Variants in MCTP2 observed in about 807,000 individuals in gnomAD.
The protein encoded by MCTP2 is multiple C2 and transmembrane domain-containing protein 2.
In MCTP2, 132 loss-of-function variants were observed where a neutral mutation model predicts 111.6. The ratio of observed to expected loss-of-function variants is 1.18; its 90% confidence interval spans 1.03 to 1.37. The LOEUF is 1.37. Among genes scored for constraint, MCTP2 ranks in the 40% most tolerant of loss-of-function variants. The probability of loss-of-function intolerance (pLI) is 0.00; values close to 1 mark genes in which losing one functional copy is unlikely to be tolerated. For missense variants in MCTP2, 1,183 were observed against 1,067.9 expected (o/e 1.11, Z -1.50); for synonymous variants, 395 against 387.7 (o/e 1.02, Z -0.22).
Position 94,340,245 on chromosome 15 carries a change from T to C in MCTP2, c.827T>C (p.Phe276Ser), listed in dbSNP as rs940696789. The change falls in exon 6 of 23, where the codon TTT (phenylalanine) becomes TCT (serine). Residue 276 changes from phenylalanine to serine, a missense_variant. By Grantham distance (155) the Phe-to-Ser change is radical (BLOSUM62 -2). Transcript: ENST00000357742. The part of the protein sequence containing the change: ...LTTSDFMGSA[F>S]VILSDLELNR... ...ACATCTGATTTCATGGGTTCTGCAT[T>C]TGTCATTCTCAGTGATCTTGAGCTT... The C allele has an allele frequency of 1.9e-6, 3 of 1,613,230 alleles. No individual in the cohort carries two copies. Among genetic ancestry groups the C allele is most frequent in the Non-Finnish European group, 1.7e-6 (2 of 1,179,452 alleles).
chr15:94,263,580 C>G (rs2073328277), intron 1 of MCTP2, among the ~76,000 whole-genome samples: 1 of 152,182 alleles, frequency 6.6e-6, no homozygotes, highest in African/African-American at 2.4e-5. Context: ...AGCCTTCTGT[C>G]CTTAGGAACA....
At chr15:94,318,770 C>T (rs915543696) in intron 4 of MCTP2, among the ~76,000 whole-genome samples, 7 of 152,114 alleles carry the variant, frequency 4.6e-5, no homozygotes, top group African/African-American at 1.7e-4. Context: ...ATGATGAAGC[C>T]GTTGCACACA....
chr15:94,412,861 C>T (rs1158165492), intron 17 of MCTP2, among the ~76,000 whole-genome samples: 1 of 151,828 alleles, frequency 6.6e-6, no homozygotes, highest in Non-Finnish European at 1.5e-5. Context: ...CCCCCATCCC[C>T]AAATTCTACT....
At chr15:94,357,938 C>G (rs1470962628) in intron 9 of MCTP2, among the ~76,000 whole-genome samples, 1 of 152,168 alleles carries the variant, frequency 6.6e-6, no homozygotes, top group Non-Finnish European at 1.5e-5. Context: ...AGTGGAATTT[C>G]CTAGTCTTTC....
chr15:94,274,352 A>G (rs1174028502), intron 1 of MCTP2, among the ~76,000 whole-genome samples: 9 of 152,196 alleles, frequency 5.9e-5, no homozygotes, highest in Non-Finnish European at 1.0e-4. Flanking sequence ...TTCAATGTCA[A>G]TAGTTTAGAA....
rs773001255 is a variant in MCTP2, at chr15:94,475,123, GCCAAAAAGCCCATGCTA to G, written c.2471-1571_2471-1555del. On this transcript the variant is annotated intron_variant, in intron 21 of 22. Coordinates refer to ENST00000357742, the MANE Select transcript of MCTP2 (RefSeq NM_001385001.1). ...CATTTTGCCTTGTCTGTTTTCTTTTGCCAAAAAGCCCATGCTACAATTAAATGTCTTTAGAATAACAC... is the reference window on the plus strand; with the variant it reads ...CATTTTGCCTTGTCTGTTTTCTTTTGCAATTAAATGTCTTTAGAATAACAC... Among the ~76,000 whole-genome samples, 66 of 152,070 alleles carry G rather than the reference GCCAAAAAGCCCATGCTA, an allele frequency of 4.3e-4. 1 individual carries two copies. Among genetic ancestry groups the G allele is most frequent in the Non-Finnish European group, 5.7e-4 (39 of 68,002 alleles).
At chr15:94,410,714 C>T (rs2082115385) in intron 17 of MCTP2, among the ~76,000 whole-genome samples, 1 of 152,192 alleles carries the variant, frequency 6.6e-6, no homozygotes. Context: ...TGTGCATATC[C>T]TTACTGCTTA....
chr15:94,325,486 C>T (rs908354889), intron 4 of MCTP2, among the ~76,000 whole-genome samples: 4 of 152,008 alleles, frequency 2.6e-5, no homozygotes, highest in African/African-American at 9.7e-5. Flanking sequence ...AATTTTTGTA[C>T]TTTTTGTGTA....
chr15:94,453,434 C>T (rs1482884092), intron 19 of MCTP2, among the ~76,000 whole-genome samples: 6 of 152,300 alleles, frequency 3.9e-5, no homozygotes, highest in Admixed American at 6.5e-5. Flanking sequence ...TGATGTCTAC[C>T]GGCCCATTAA....
intron 20 of MCTP2, 96 bp from the exon 21 acceptor site, chr15:94,470,237 T>A (rs2152539951): frequency 1.0e-6 from 1 of 970,346 alleles, no homozygotes. Flanking sequence ...GTAAAAAAAA[T>A]TTCTATAATT....
At chr15:94,438,481 T>C (rs2083598686) in intron 17 of MCTP2, among the ~76,000 whole-genome samples, 1 of 152,080 alleles carries the variant, frequency 6.6e-6, no homozygotes, top group South Asian at 2.1e-4. Context: ...AATACAGCAA[T>C]ACGGGTTCAC....
At position 94,373,514 on chromosome 15, in the gene MCTP2, A is replaced by G. The variant is rs191961164; in HGVS notation, c.1582+3334A>G. On this transcript the variant is annotated intron_variant, in intron 12 of 22. Coordinates refer to ENST00000357742, the MANE Select transcript of MCTP2 (RefSeq NM_001385001.1). The stretch of plus-strand genomic sequence containing the variant: ...AAGGTATATTTACTGTTTTTAAATT[A>G]TGCCTTTTTTAATAAATATGCTATT... Among the ~76,000 whole-genome samples, 475 of 152,300 alleles carry G rather than the reference A, an allele frequency of 3.1e-3. 2 individuals are homozygous for G. The highest frequency in any genetic ancestry group is 4.5e-3 in the Non-Finnish European group (308 of 68,016).
rs141936237 is a variant in MCTP2 at position 94,475,700 on chromosome 15, C to T, written c.2471-996C>T. 4.1e-3 allele frequency among the ~76,000 whole-genome samples: 623 copies of T among 152,250 alleles called. 18 individuals are homozygous for T. The highest frequency in any genetic ancestry group is 0.033 in the Admixed American group (503 of 15,294). On this transcript the variant is annotated intron_variant, in intron 21 of 22. Transcript: ENST00000357742. ...TGCTTCTAAAACTCAACATGAAAAA[C>T]GGGTTGACATTTGGTGAAAAGACTA...
chr15:94,283,408 C>T (rs1250665246), intron 1 of MCTP2, among the ~76,000 whole-genome samples: 2 of 152,170 alleles, frequency 1.3e-5, no homozygotes, highest in African/African-American at 4.8e-5. Flanking sequence ...CCCATGCCAA[C>T]CCCCCTTGGC....
At chr15:94,379,563 G>C (rs909627884) in intron 12 of MCTP2, among the ~76,000 whole-genome samples, 4 of 151,628 alleles carry the variant, frequency 2.6e-5, no homozygotes, top group Non-Finnish European at 4.4e-5. Context: ...GGTGGTTCCT[G>C]GCTCCTGGAT....
intron 1 of MCTP2, among the ~76,000 whole-genome samples, chr15:94,264,393 G>A (rs1400937127): frequency 6.6e-6 from 1 of 152,052 alleles, no homozygotes; most frequent in African/African-American, 2.4e-5. Context: ...TGGATCACGA[G>A]GTCAGGAGAT....
rs1306295153 is a variant in MCTP2, at chr15:94,402,091, C to T, written c.2085+72C>T. 3.9e-6 allele frequency: 6 copies of T among 1,556,938 alleles called. No individual in the cohort carries two copies. In the African/African-American group the frequency reaches 8.2e-5, roughly 21 times the overall value. On this transcript the variant is annotated intron_variant, in intron 17 of 22. Coordinates refer to ENST00000357742, the MANE Select transcript of MCTP2 (RefSeq NM_001385001.1). ...CTATTCATCTTTCTGAAATATATTACAGCGTAGGTGATTACGTGGGGGTTG... is the reference window on the plus strand; with the variant it reads ...CTATTCATCTTTCTGAAATATATTATAGCGTAGGTGATTACGTGGGGGTTG...
chr15:94,440,407 G>A lies in MCTP2; in HGVS notation c.2208+109G>A. The stretch of plus-strand genomic sequence containing the variant: ...AAGTCCATTTCGTTTGAGGTGTAAG[G>A]AGCAGCCCTGCAAAGGCACTCATTT... On this transcript the variant is annotated intron_variant, in intron 18 of 22. Coordinates refer to ENST00000357742, the MANE Select transcript of MCTP2 (RefSeq NM_001385001.1). 3.6e-6 allele frequency: 5 copies of A among 1,390,358 alleles called. No homozygotes were observed. The South Asian group carries it at 6.6e-5, about 18-fold the overall frequency. The allele number at this position is 1,390,358 out of a possible 1,614,324, so 86.1% of individuals were successfully genotyped here.
At chr15:94,244,640 T>A (rs1430539115) in intron 1 of MCTP2, among the ~76,000 whole-genome samples, 1 of 147,194 alleles carries the variant, frequency 6.8e-6, no homozygotes, top group Non-Finnish European at 1.5e-5. Context: ...GCACCTATGT[T>A]TATAAACGTA....
Sources: allele counts gnomAD v4.1 joint callset (sites outside exome capture counted in the v4.1 genomes callset), GRCh38; gene constraint gnomAD v4.1.1; transcripts MANE v1.5; gene names NCBI Gene and HGNC (gene_info 2026-07-23, HGNC 2026-07-21).